Variants in SLC11A2 observed in about 807,000 individuals in gnomAD.
SLC11A2 encodes the protein natural resistance-associated macrophage protein 2.
A neutral mutation model predicts 68.0 loss-of-function variants in SLC11A2; 38 were observed. That is an observed-to-expected ratio of 0.56 (90% confidence interval 0.43 to 0.73). The LOEUF (loss-of-function observed/expected upper bound fraction) is 0.73, where lower values mean the gene tolerates loss of function less well. Among genes scored for constraint, SLC11A2 ranks in the 30% least tolerant of loss-of-function variants. The probability of loss-of-function intolerance (pLI) is 0.00; values close to 1 mark genes in which losing one functional copy is unlikely to be tolerated. For synonymous variants in SLC11A2, 242 were observed against 250.6 expected (o/e 0.97, Z 0.32); for missense variants, 517 against 690.5 (o/e 0.75, Z 2.82).
Position 50,991,620 on chromosome 12 carries a change from A to G in SLC11A2, c.1400T>C (p.Met467Thr). ...ILTFTSLRPV[M>T]SDFANGLGWR... is the part of the protein sequence containing the mutation. Reference sequence around the variant, plus strand: ...TCACAGTCCATTGGCAAAGTCACTCATTACTGGCCGCAAGCTCGTAAATGT... The same window carrying G: ...TCACAGTCCATTGGCAAAGTCACTCGTTACTGGCCGCAAGCTCGTAAATGT... The change falls in exon 14 of 16, where the codon ATG becomes ACG. Residue 467 changes from methionine (M) to threonine (T), a missense_variant. Transcript: ENST00000262052. 6.2e-7 allele frequency: 1 copy of G among 1,613,954 alleles called. No homozygotes were observed. Among genetic ancestry groups the G allele is most frequent in the Admixed American group, 1.7e-5 (1 of 59,980 alleles).
chr12:50,978,321 G>A (rs1262842541), downstream of SLC11A2, among the ~76,000 whole-genome samples: 1 of 151,954 alleles, frequency 6.6e-6, no homozygotes, highest in African/African-American at 2.4e-5. Flanking sequence ...CATAAACAAT[G>A]ATGAGTTCAT....
Position 51,004,963 on chromosome 12 carries a change from T to C in SLC11A2, c.310-56A>G, listed in dbSNP as rs1054268771. On this transcript the variant is annotated intron_variant, in intron 4 of 15. Transcript: ENST00000262052. Reference sequence around the variant, plus strand: ...ATTGAACAACTGAGTTTTTGTCTGTTTGTTTGTTTAGTTGTTTGGCAACAT... The same window carrying C: ...ATTGAACAACTGAGTTTTTGTCTGTCTGTTTGTTTAGTTGTTTGGCAACAT... 3 of 1,602,980 alleles carry C rather than the reference T, an allele frequency of 1.9e-6. No homozygotes were observed. The African/African-American group carries it at 4.0e-5, about 21-fold the overall frequency.
At position 50,986,570 on chromosome 12, in the gene SLC11A2, G is replaced by T. The variant is rs1310375877; in HGVS notation, c.*1755C>A. 3.7e-5 allele frequency: 47 copies of T among 1,286,828 alleles called. No homozygotes were observed. The highest frequency in any genetic ancestry group is 3.3e-4 in the Middle Eastern group (1 of 3,062). 79.7% of individuals were successfully genotyped at this position (1,286,828 alleles called of 1,614,324 possible). A position where few individuals can be genotyped will look rare whatever the true frequency, so the allele number is the denominator to read the frequency against. On this transcript the variant is annotated 3_prime_UTR_variant, in exon 16 of 16. Transcript: ENST00000262052. ...CATGTTACCATATCATCTTTATAAAGAATTTTTTTTTTGTCGTCAGTTTGG... is the reference window on the plus strand; with the variant it reads ...CATGTTACCATATCATCTTTATAAATAATTTTTTTTTTGTCGTCAGTTTGG...
chr12:50,993,284 G>T, intron 11 of SLC11A2: 1 of 268,934 alleles, frequency 3.7e-6, no homozygotes, highest in Non-Finnish European at 7.2e-6. Context: ...AGAAGTACAG[G>T]GAAATATCAA....
At chr12:50,967,698 C>G in the SLC11A2 span, among the ~76,000 whole-genome samples, 81 of 152,298 alleles carry the variant, frequency 5.3e-4, 3 homozygotes, top group East Asian at 0.015. Flanking sequence ...GAACCAATTC[C>G]GGATAACCCA....
At chr12:50,995,900 G>T (rs902784161) in intron 9 of SLC11A2, 113 bp from the exon 10 acceptor site, 1 of 910,506 alleles carries the variant, frequency 1.1e-6, no homozygotes, top group Non-Finnish European at 1.8e-6. Flanking sequence ...TTGACCAGAC[G>T]AAAAGTGAGA....
At chr12:50,996,581 A>T (rs532133330) in intron 9 of SLC11A2, among the ~76,000 whole-genome samples, 39 of 135,344 alleles carry the variant, frequency 2.9e-4, no homozygotes, top group African/African-American at 7.6e-4. Context: ...ATCTCAATTT[A>T]AAAAAAAAAA....
chr12:51,021,103 G>A (rs1944012752), intron 1 of SLC11A2, among the ~76,000 whole-genome samples: 1 of 152,084 alleles, frequency 6.6e-6, no homozygotes, highest in Non-Finnish European at 1.5e-5. Context: ...AGAAAAAGAG[G>A]GGGATTATAA....
chr12:50,971,356 A>G, the SLC11A2 span, among the ~76,000 whole-genome samples: 1 of 152,002 alleles, frequency 6.6e-6, no homozygotes, highest in Non-Finnish European at 1.5e-5. Context: ...TCTCATTCTT[A>G]TACAGAAACT....
At chr12:50,981,794 C>T (rs768918190), downstream of SLC11A2, 106 of 1,522,870 alleles carry the variant, frequency 7.0e-5, 2 homozygotes, top group South Asian at 1.2e-3. Context: ...GCTGTCAATC[C>T]CAGATGGCAC....
chr12:50,953,273 T>TA, the SLC11A2 span, among the ~76,000 whole-genome samples: 1 of 152,236 alleles, frequency 6.6e-6, no homozygotes. Flanking sequence ...TTGTGCTTCT[T>TA]ACGCTTAAGT....
chr12:50,992,734 A>C, intron 12 of SLC11A2, 76 bp downstream of exon 12: 4 of 1,311,854 alleles, frequency 3.0e-6, no homozygotes, highest in Non-Finnish European at 4.2e-6. Context: ...CCATCTCAAA[A>C]AAAAAAAAAA....
In SLC11A2 at chr12:51,026,340, G is replaced by C. The variant is rs994800837; in HGVS notation, c.-69C>G. ...CAGCTCCGCAACCACCTGACACGCC[G>C]CCCCCGCGCCCAGGGCTCCATATTC... is the stretch of plus-strand genomic sequence containing the variant. On this transcript the variant is annotated 5_prime_UTR_variant, in exon 1 of 16. Coordinates refer to ENST00000262052, the MANE Select transcript of SLC11A2 (RefSeq NM_000617.3). The C allele has an allele frequency of 1.6e-6, 2 of 1,274,746 alleles. No individual in the cohort carries two copies. The highest frequency in any genetic ancestry group is 2.0e-6 in the Non-Finnish European group (2 of 979,190). 79.0% of individuals were successfully genotyped at this position (1,274,746 alleles called of 1,614,324 possible). A position where few individuals can be genotyped will look rare whatever the true frequency, so the allele number is the denominator to read the frequency against.
intron 13 of SLC11A2, among the ~76,000 whole-genome samples, chr12:50,991,952 C>A (rs1026108801): frequency 6.6e-6 from 1 of 152,120 alleles, no homozygotes; most frequent in Non-Finnish European, 1.5e-5. Context: ...TAATGAACTA[C>A]AATTTTGTGT....
At chr12:51,027,194 G>T (rs751434280), upstream of SLC11A2, among the ~76,000 whole-genome samples, 3 of 148,402 alleles carry the variant, frequency 2.0e-5, no homozygotes, top group Non-Finnish European at 4.5e-5. Flanking sequence ...AAAAAAATTA[G>T]CCAGGCATCA....
At chr12:51,024,671 G>C (rs1241965498) in intron 1 of SLC11A2, 2 of 152,118 alleles carry the variant, frequency 1.3e-5, no homozygotes, top group Non-Finnish European at 2.9e-5. Flanking sequence ...AAGAAAGAAA[G>C]AAAAAGATCC....
At chr12:50,976,294 T>A (rs1325282094), downstream of SLC11A2, among the ~76,000 whole-genome samples, 1 of 152,008 alleles carries the variant, frequency 6.6e-6, no homozygotes, top group Non-Finnish European at 1.5e-5. Context: ...CTTATCCACC[T>A]TGATCAAGTG....
At chr12:50,999,566 G>A in intron 6 of SLC11A2, 151 bp from the exon 7 acceptor site, 1 of 687,706 alleles carries the variant, frequency 1.5e-6, no homozygotes, top group Non-Finnish European at 2.6e-6. Flanking sequence ...TAGGCCTTGG[G>A]TAAAGTAGGG....
chr12:51,010,594 G>A (rs1943138302), intron 2 of SLC11A2, 101 bp downstream of exon 2: 2 of 713,434 alleles, frequency 2.8e-6, no homozygotes, highest in African/African-American at 1.8e-5. Flanking sequence ...TAGAATAGAT[G>A]ATGACAGATG....
Sources: gnomAD v4.1 joint callset for allele counts (sites outside exome capture counted in the v4.1 genomes callset) on GRCh38, gnomAD v4.1.1 for gene constraint, MANE v1.5 for transcripts, NCBI Gene and HGNC (gene_info 2026-07-23, HGNC 2026-07-21) for gene names.